Variants in APBB2 observed in about 807,000 individuals in gnomAD.
The protein encoded by APBB2 is Fe65-like 1.
APBB2 carries 38 observed loss-of-function variants against 82.5 expected under a neutral mutation model. The ratio of observed to expected loss-of-function variants is 0.46; its 90% confidence interval spans 0.36 to 0.60. The LOEUF (loss-of-function observed/expected upper bound fraction) is 0.60, where lower values mean the gene tolerates loss of function less well. Ranked by LOEUF, APBB2 falls within the 20% of genes least tolerant of loss-of-function variation. APBB2 has a pLI of 0.00. For missense variants in APBB2, 772 were observed against 972.3 expected (o/e 0.79, Z 2.74); for synonymous variants, 341 against 368.2 (o/e 0.93, Z 0.85).
chr4:40,849,750 C>T (rs1342464786), intron 12 of APBB2, among the ~76,000 whole-genome samples: 2 of 122,718 alleles, frequency 1.6e-5, no homozygotes, highest in Admixed American at 9.7e-5. Flanking sequence ...TTTTTTGAGA[C>T]AGAGTCTCGC....
intron 1 of APBB2, among the ~76,000 whole-genome samples, chr4:41,202,600 G>A (rs899265856): frequency 3.3e-5 from 5 of 151,884 alleles, no homozygotes; most frequent in Non-Finnish European, 7.4e-5. Context: ...TTGGCTTTAT[G>A]CAAACAAATT....
chr4:41,181,959 AAAG>A (rs1344867158), intron 1 of APBB2, among the ~76,000 whole-genome samples: 3 of 151,586 alleles, frequency 2.0e-5, no homozygotes, highest in Non-Finnish European at 4.4e-5. Flanking sequence ...AAAAAAAAAA[AAAG>A]AAAAAGAAAA....
In APBB2 at chr4:40,913,862, A is replaced by G. The variant is rs562655016; in HGVS notation, c.1255-20451T>C. Among the ~76,000 whole-genome samples, 4 of 152,210 alleles carry G rather than the reference A, an allele frequency of 2.6e-5. No individual in the cohort carries two copies. In the South Asian group the frequency reaches 8.3e-4, roughly 32 times the overall value. On this transcript the variant is annotated intron_variant, in intron 10 of 17. Transcript: ENST00000508593. ...GCTATGAGGTGCCTTATGGAGAAAT[A>G]CTTATGTTAGGTAAGTCATTCAGGG... is the stretch of plus-strand genomic sequence containing the variant.
At chr4:40,921,483 C>G (rs1267592248) in intron 10 of APBB2, among the ~76,000 whole-genome samples, 1 of 152,248 alleles carries the variant, frequency 6.6e-6, no homozygotes, top group Non-Finnish European at 1.5e-5. Flanking sequence ...TCATTTCCTT[C>G]TCCATCCATC....
intron 2 of APBB2, among the ~76,000 whole-genome samples, chr4:41,128,547 C>T (rs77080655): frequency 0.07 from 10,642 of 152,294 alleles, 536 homozygotes; most frequent in Non-Finnish European, 0.1. Flanking sequence ...TCACTTTAAT[C>T]TCATTTTAAG....
chr4:40,908,843 T>C (rs1405078886), intron 10 of APBB2, among the ~76,000 whole-genome samples: 1 of 152,196 alleles, frequency 6.6e-6, no homozygotes, highest in Non-Finnish European at 1.5e-5. Flanking sequence ...GTGGGTGCCC[T>C]TGTGCAAACT....
intron 2 of APBB2, among the ~76,000 whole-genome samples, chr4:41,137,849 A>G (rs1427460338): frequency 6.6e-6 from 1 of 152,212 alleles, no homozygotes; most frequent in South Asian, 2.1e-4. Flanking sequence ...ACCTCACACC[A>G]TACATAAAAA....
chr4:40,954,007 C>T (rs1790921370), intron 6 of APBB2, among the ~76,000 whole-genome samples: 1 of 152,150 alleles, frequency 6.6e-6, no homozygotes, highest in South Asian at 2.1e-4. Flanking sequence ...GAGAACAAGC[C>T]CATCTGTGAG....
At chr4:40,853,272 T>G (rs574366201) in intron 12 of APBB2, among the ~76,000 whole-genome samples, 1 of 152,092 alleles carries the variant, frequency 6.6e-6, no homozygotes, top group Non-Finnish European at 1.5e-5. Context: ...TCTTTCTGTA[T>G]GAAATAAACT....
At chr4:40,884,682 G>T (rs1467434283) in intron 12 of APBB2, among the ~76,000 whole-genome samples, 1 of 151,496 alleles carries the variant, frequency 6.6e-6, no homozygotes, top group Non-Finnish European at 1.5e-5. Context: ...AGGATCGCTT[G>T]AGCCCAGGAA....
Position 40,814,660 on chromosome 4 carries a change from CATT to C in APBB2, c.*1429_*1431del, listed in dbSNP as rs1262229405. ...TGGATGTTGTAAATGTTAATTTTGA[CATT>C]AAGAAGAAGTAAACAAGACTAATAT... On this transcript the variant is annotated 3_prime_UTR_variant, in exon 18 of 18. Coordinates refer to ENST00000508593, the MANE Select transcript of APBB2 (RefSeq NM_004307.2). The C allele has an allele frequency of 6.6e-6, 1 of 152,174 alleles. No individual in the cohort carries two copies. The highest frequency in any genetic ancestry group is 1.5e-5 in the Non-Finnish European group (1 of 68,026). The allele number at this position is 152,174 out of a possible 1,614,324, so 9.4% of individuals were successfully genotyped here.
intron 1 of APBB2, among the ~76,000 whole-genome samples, chr4:41,200,680 A>ACT (rs900380016): frequency 1.3e-5 from 2 of 152,144 alleles, no homozygotes; most frequent in African/African-American, 4.8e-5. Flanking sequence ...AGTATGTGTC[A>ACT]CTCTATAGAG....
At chr4:40,914,362 G>T in intron 10 of APBB2, among the ~76,000 whole-genome samples, 1 of 151,872 alleles carries the variant, frequency 6.6e-6, no homozygotes, top group East Asian at 1.9e-4. Context: ...GACAGAGCGA[G>T]ACTCCATCTC....
intron 2 of APBB2, among the ~76,000 whole-genome samples, chr4:41,105,102 T>C (rs1411545299): frequency 6.6e-6 from 1 of 152,240 alleles, no homozygotes; most frequent in Non-Finnish European, 1.5e-5. Context: ...TCAGTGGTTG[T>C]ATGTGTAGGA....
At chr4:40,914,500 C>T (rs1333872159) in intron 10 of APBB2, among the ~76,000 whole-genome samples, 11 of 152,142 alleles carry the variant, frequency 7.2e-5, no homozygotes, top group South Asian at 2.1e-4. Flanking sequence ...TGCAGTGAGC[C>T]GACATCGCGC....
chr4:40,891,867 AGCC>A (rs1772122704), intron 11 of APBB2, among the ~76,000 whole-genome samples: 1 of 152,120 alleles, frequency 6.6e-6, no homozygotes, highest in Admixed American at 6.5e-5. Context: ...TCTAAATCCT[AGCC>A]AAGAAAGAAC....
intron 6 of APBB2, among the ~76,000 whole-genome samples, chr4:41,001,144 T>A (rs1310787978): frequency 6.6e-6 from 1 of 152,212 alleles, no homozygotes; most frequent in Non-Finnish European, 1.5e-5. Context: ...CATCAGCCCC[T>A]TCCCAATGGC....
At chr4:41,116,912 T>G (rs1176945765) in intron 2 of APBB2, among the ~76,000 whole-genome samples, 1 of 152,158 alleles carries the variant, frequency 6.6e-6, no homozygotes, top group Non-Finnish European at 1.5e-5. Flanking sequence ...TGATTTTCTT[T>G]CCTCCAAAAG....
At chr4:41,031,734 C>T (rs1716906950) in intron 5 of APBB2, among the ~76,000 whole-genome samples, 1 of 152,042 alleles carries the variant, frequency 6.6e-6, no homozygotes, top group Admixed American at 6.6e-5. Context: ...GAAGATAAGA[C>T]TATAATAATA....
Sources: gnomAD v4.1 joint callset for allele counts (sites outside exome capture counted in the v4.1 genomes callset) on GRCh38, gnomAD v4.1.1 for gene constraint, MANE v1.5 for transcripts, NCBI Gene and HGNC (gene_info 2026-07-23, HGNC 2026-07-21) for gene names.